Variants in CCDC88A observed in about 807,000 individuals in gnomAD.
CCDC88A encodes the protein girdin.
A neutral mutation model predicts 234.3 loss-of-function variants in CCDC88A; 54 were observed. The observed-to-expected ratio is 0.23, with a 90% CI of 0.19 to 0.29. CCDC88A has a LOEUF of 0.29. CCDC88A is among the 10% of genes least tolerant of loss of function. The pLI is 1.00. For synonymous variants in CCDC88A, 753 were observed against 737.8 expected (o/e 1.02, Z -0.33); for missense variants, 1,832 against 2,123.4 (o/e 0.86, Z 2.70).
At chr2:55,418,737 C>A in intron 2 of CCDC88A, 79 bp downstream of exon 2, 1 of 1,150,098 alleles carries the variant, frequency 8.7e-7, no homozygotes, top group South Asian at 1.2e-5. Context: ...AAATTAGGGG[C>A]TTAAAACATC....
chr2:55,373,340 GTCC>G (rs1259543911), intron 4 of CCDC88A, among the ~76,000 whole-genome samples: 1 of 151,970 alleles, frequency 6.6e-6, no homozygotes, highest in Non-Finnish European at 1.5e-5. Context: ...CCCTCTGTCT[GTCC>G]TCCTTCCCCA....
At chr2:55,300,860 T>C (rs1680817983) in intron 28 of CCDC88A, 1 of 181,496 alleles carries the variant, frequency 5.5e-6, no homozygotes, top group South Asian at 1.3e-4. Context: ...ATTTTTAATA[T>C]TTTAAACTAA....
intron 7 of CCDC88A, among the ~76,000 whole-genome samples, chr2:55,358,850 T>C (rs941798576): frequency 1.2e-4 from 19 of 152,252 alleles, no homozygotes; most frequent in African/African-American, 4.1e-4. Context: ...ACTATTCAGT[T>C]CTATCCCTCT....
intron 2 of CCDC88A, among the ~76,000 whole-genome samples, 186 bp from the exon 3 acceptor site, chr2:55,389,072 T>C (rs559201913): frequency 1.3e-5 from 2 of 152,332 alleles, no homozygotes; most frequent in Admixed American, 6.5e-5. Flanking sequence ...TTAATACAAA[T>C]GCAACTGATT....
rs985999303 is a variant in CCDC88A at position 55,328,111 on chromosome 2, A to G, written c.2997+183T>C. Reference sequence around the variant, plus strand: ...TATTACACACATGAAATAGCACTGAATAAGCTATACCATATTCATATGACA... The same window carrying G: ...TATTACACACATGAAATAGCACTGAGTAAGCTATACCATATTCATATGACA... On this transcript the variant is annotated intron_variant, in intron 17 of 32. Coordinates refer to ENST00000436346, the MANE Select transcript of CCDC88A (RefSeq NM_001365480.1). This position sits in a 1 kb window ranked among gnomAD's most constrained non-coding sequence, Gnocchi z 4.3. Among the ~76,000 whole-genome samples, 4 of 152,250 alleles carry G rather than the reference A, an allele frequency of 2.6e-5. No homozygotes were observed. Among genetic ancestry groups the G allele is most frequent in the African/African-American group, 9.6e-5 (4 of 41,470 alleles).
chr2:55,408,345 T>C (rs1417447979), intron 2 of CCDC88A, among the ~76,000 whole-genome samples: 1 of 152,068 alleles, frequency 6.6e-6, no homozygotes, highest in Admixed American at 6.6e-5. Context: ...CCATCTCGAA[T>C]AGGGGCTAGG....
At chr2:55,368,273 C>T (rs1672308044) in intron 5 of CCDC88A, among the ~76,000 whole-genome samples, 1 of 152,114 alleles carries the variant, frequency 6.6e-6, no homozygotes. Context: ...ATTTATGTGG[C>T]TTTTACTTAC....
At chr2:55,390,130 C>CAAAAACCTAAA (rs1391363313) in intron 2 of CCDC88A, among the ~76,000 whole-genome samples, 15 of 149,168 alleles carry the variant, frequency 1.0e-4, no homozygotes, top group African/African-American at 3.2e-4. Flanking sequence ...TACAGGCTAA[C>CAAAAACCTAAA]AAAAACCAAA....
At chr2:55,402,525 GA>G (rs1678872041) in intron 2 of CCDC88A, among the ~76,000 whole-genome samples, 2 of 152,150 alleles carry the variant, frequency 1.3e-5, no homozygotes, top group African/African-American at 4.8e-5. Context: ...TATGGAATCT[GA>G]AACTCTATCA....
chr2:55,307,976 CTTTTT>C (rs35845333), intron 25 of CCDC88A: 3 of 98,294 alleles, frequency 3.1e-5, no homozygotes, highest in Non-Finnish European at 4.2e-5. Context: ...TTCTTTCTTT[CTTTTT>C]TTTTTTTTTT....
Position 55,332,483 on chromosome 2 carries a change from T to C in CCDC88A, c.2855+83A>G. Reference sequence around the variant, plus strand: ...TAGGGTGAAATATATAAATGTTTTCTATAGCTAGTACAGAAAGAATTCATG... The same window carrying C: ...TAGGGTGAAATATATAAATGTTTTCCATAGCTAGTACAGAAAGAATTCATG... On this transcript the variant is annotated intron_variant, in intron 16 of 32. Coordinates refer to ENST00000436346, the MANE Select transcript of CCDC88A (RefSeq NM_001365480.1). The surrounding 1 kb of genome is among the most constrained non-coding windows in gnomAD (Gnocchi z 4.5). 2 of 1,517,266 alleles carry C rather than the reference T, an allele frequency of 1.3e-6. No homozygotes were observed. Among genetic ancestry groups the C allele is most frequent in the Non-Finnish European group, 1.8e-6 (2 of 1,141,218 alleles). 94.0% of individuals were successfully genotyped at this position (1,517,266 alleles called of 1,614,324 possible).
chr2:55,406,906 G>C (rs1001744602), intron 2 of CCDC88A, among the ~76,000 whole-genome samples: 1 of 152,252 alleles, frequency 6.6e-6, no homozygotes, highest in East Asian at 1.9e-4. Flanking sequence ...CCTTCACCAG[G>C]AAAATCAGTC....
At position 55,303,080 on chromosome 2, in the gene CCDC88A, C is replaced by T. The variant is rs1331712538; in HGVS notation, c.4460G>A (p.Arg1487His). The change falls in exon 26 of 33, where the codon CGT (arginine) becomes CAT (histidine). Residue 1487 changes from arginine (R) to histidine (H), a missense_variant. Physicochemically the swap from Arg to His is conservative, Grantham distance 29 (BLOSUM62 0). Around this residue, in one of 6 missense-constraint regions of CCDC88A, gnomAD observed 1,282 missense variants for 1,543.6 expected, o/e 0.83. Transcript: ENST00000436346. ...KDKDKMKACY[R>H]RSMSMNDLVQ... ...TCATAAAGTCTTACACATGGAACGACGGTAGCAGGCCTTCATTTTGTCTTT... is the reference window on the plus strand; with the variant it reads ...TCATAAAGTCTTACACATGGAACGATGGTAGCAGGCCTTCATTTTGTCTTT... 7 of 1,549,470 alleles carry T rather than the reference C, an allele frequency of 4.5e-6. No individual in the cohort carries two copies. Among genetic ancestry groups the T allele is most frequent in the Admixed American group, 2.0e-5 (1 of 50,998 alleles).
At chr2:55,418,200 T>C (rs1305189855) in intron 2 of CCDC88A, 1 of 152,278 alleles carries the variant, frequency 6.6e-6, no homozygotes, top group African/African-American at 2.4e-5. Flanking sequence ...GTTATTTGCA[T>C]TTCAAAACCT....
intron 4 of CCDC88A, 38 bp downstream of exon 4, chr2:55,374,776 G>A: frequency 7.9e-7 from 1 of 1,263,446 alleles, no homozygotes; most frequent in Non-Finnish European, 1.2e-6. Context: ...TTACACAAAG[G>A]TTAGACATTA....
At chr2:55,416,447 T>C (rs909647088) in intron 2 of CCDC88A, among the ~76,000 whole-genome samples, 1 of 61,646 alleles carries the variant, frequency 1.6e-5, no homozygotes, top group African/African-American at 8.9e-5. Flanking sequence ...TAAATAAATA[T>C]ATATATATAT....
intron 5 of CCDC88A, among the ~76,000 whole-genome samples, chr2:55,367,528 G>GTTTTTTTTTTTTTTTTTT: frequency 0.017 from 1,728 of 99,480 alleles, 194 homozygotes; most frequent in Middle Eastern, 0.048. Context: ...TTATTTCCTT[G>GTTTTTTTTTTTTTTTTTT]TTTTTTTTTA....
At chr2:55,412,933 T>G (rs1435517498) in intron 2 of CCDC88A, among the ~76,000 whole-genome samples, 1 of 152,196 alleles carries the variant, frequency 6.6e-6, no homozygotes, top group African/African-American at 2.4e-5. Context: ...CCAGGCGCAG[T>G]GGCTCATGCC....
chr2:55,288,519 T>C lies in CCDC88A; in HGVS notation c.*2681A>G, dbSNP rs948981992. On this transcript the variant is annotated 3_prime_UTR_variant, in exon 33 of 33. Transcript: ENST00000436346. ...AGACAGCACAGGCTGTAGTACTTCATTGTGAGGTGGCTACAACTCTATAAT... is the reference window on the plus strand; with the variant it reads ...AGACAGCACAGGCTGTAGTACTTCACTGTGAGGTGGCTACAACTCTATAAT... The C allele has an allele frequency of 1.3e-5, 2 of 152,646 alleles. No homozygotes were observed. Among genetic ancestry groups the C allele is most frequent in the Non-Finnish European group, 2.9e-5 (2 of 68,030 alleles). The allele number at this position is 152,646 out of a possible 1,614,324, so 9.5% of individuals were successfully genotyped here.
Sources: allele counts gnomAD v4.1 joint callset (sites outside exome capture counted in the v4.1 genomes callset), GRCh38; gene constraint gnomAD v4.1.1; regional missense constraint gnomAD v4.1.1; non-coding constraint Gnocchi (gnomAD v3.1); transcripts MANE v1.5; gene names NCBI Gene and HGNC (gene_info 2026-07-23, HGNC 2026-07-21).